Variants in PAK3 observed in about 807,000 individuals in gnomAD.
PAK3 encodes p21 (RAC1) activated kinase 3.
PAK3 carries 4 observed loss-of-function variants against 41.0 expected under a neutral mutation model. The ratio of observed to expected loss-of-function variants is 0.10; its 90% CI spans 0.05 to 0.22. The LOEUF (loss-of-function observed/expected upper bound fraction) is 0.22. PAK3 is among the 10% of genes least tolerant of loss of function. PAK3 has a pLI of 1.00. For synonymous variants in PAK3, 146 were observed against 139.6 expected (o/e 1.05, Z -0.32); for missense variants, 205 against 409.9 (o/e 0.50, Z 4.32).
chrX:111,207,072 ACG>A (rs1491157368), intron 16 of PAK3, among the ~76,000 whole-genome samples: 2 of 97,511 alleles, frequency 2.1e-5, no homozygotes, highest in Non-Finnish European at 3.9e-5. Context: ...ATAGATATAT[ACG>A]TGTGTGTGTG....
At chrX:110,997,895 A>C (rs1443405229) in intron 1 of PAK3, among the ~76,000 whole-genome samples, 1 of 111,477 alleles carries the variant, frequency 9.0e-6, no homozygotes, top group Non-Finnish European at 1.9e-5. Flanking sequence ...ACGTGAGGAC[A>C]CAGCAAGAAG....
At chrX:111,208,406 A>G (rs2094779418) in intron 16 of PAK3, among the ~76,000 whole-genome samples, 1 of 112,372 alleles carries the variant, frequency 8.9e-6, no homozygotes, top group Non-Finnish European at 1.9e-5. Flanking sequence ...ACATTCACTC[A>G]CTAGTCACTC....
intron 1 of PAK3, among the ~76,000 whole-genome samples, chrX:110,988,285 A>G (rs1241111406): frequency 9.0e-6 from 1 of 111,699 alleles, no homozygotes; most frequent in Non-Finnish European, 1.9e-5. Context: ...CAAGCTGTCA[A>G]TTGTTACCCA....
chrX:111,188,708 G>A (rs73541173), intron 11 of PAK3, among the ~76,000 whole-genome samples: 14,665 of 111,053 alleles, frequency 0.13, 1,984 homozygotes, highest in African/African-American at 0.41. Context: ...GATGATAATA[G>A]CAGCTACCAT....
intron 5 of PAK3, among the ~76,000 whole-genome samples, chrX:111,125,108 A>G (rs148287720): frequency 0.023 from 2,517 of 111,833 alleles, 35 homozygotes; most frequent in Middle Eastern, 0.046. Flanking sequence ...TGAAAATCCT[A>G]GTGCATGAGA....
chrX:111,177,741 G>A (rs2094421650), intron 11 of PAK3, among the ~76,000 whole-genome samples: 1 of 111,549 alleles, frequency 9.0e-6, no homozygotes, highest in Admixed American at 9.6e-5. Context: ...GCTATCAATA[G>A]CAACCCTGTG....
At chrX:110,952,089 AG>A (rs1388399729) in intron 1 of PAK3, among the ~76,000 whole-genome samples, 2 of 112,277 alleles carry the variant, frequency 1.8e-5, no homozygotes, top group Admixed American at 1.9e-4. Context: ...CACTCTGCAA[AG>A]GGTATAGTGC....
intron 11 of PAK3, among the ~76,000 whole-genome samples, chrX:111,179,641 A>G (rs2094444564): frequency 1.9e-5 from 2 of 107,831 alleles, no homozygotes; most frequent in South Asian, 7.8e-4. Flanking sequence ...TTTATAATTG[A>G]TTTGTTCAAA....
At chrX:111,145,558 A>G (rs1437185096) in intron 6 of PAK3, among the ~76,000 whole-genome samples, 1 of 111,936 alleles carries the variant, frequency 8.9e-6, no homozygotes, top group Non-Finnish European at 1.9e-5. Flanking sequence ...TAGAATCATA[A>G]CTGGGATCAT....
intron 11 of PAK3, among the ~76,000 whole-genome samples, chrX:111,190,999 T>C (rs2094555837): frequency 8.9e-6 from 1 of 112,389 alleles, no homozygotes; most frequent in Non-Finnish European, 1.9e-5. Flanking sequence ...TGCAGCTTAC[T>C]ATACAATTTC....
chrX:111,188,175 C>T (rs759349401), intron 11 of PAK3, among the ~76,000 whole-genome samples: 2 of 108,094 alleles, frequency 1.9e-5, no homozygotes, highest in African/African-American at 6.7e-5. Flanking sequence ...AATTTTAATA[C>T]AATTAAATGC....
At chrX:111,219,472 T>C (rs910035818) in intron 17 of PAK3, among the ~76,000 whole-genome samples, 1 of 110,808 alleles carries the variant, frequency 9.0e-6, no homozygotes, top group Admixed American at 9.7e-5. Context: ...GATGAGGATT[T>C]AACCTAAGTG....
intron 1 of PAK3, among the ~76,000 whole-genome samples, chrX:110,990,908 G>C (rs1223783045): frequency 9.0e-6 from 1 of 110,744 alleles, no homozygotes; most frequent in African/African-American, 3.3e-5. Flanking sequence ...GAGGCATATT[G>C]CTTGAGCCCA....
intron 16 of PAK3, among the ~76,000 whole-genome samples, chrX:111,211,683 A>G (rs1359914495): frequency 1.8e-5 from 2 of 109,490 alleles, no homozygotes; most frequent in Non-Finnish European, 3.8e-5. Flanking sequence ...TCAAAAAAAA[A>G]AAAAAAAAGA....
chrX:111,101,339 G>C (rs1185606514), intron 3 of PAK3, among the ~76,000 whole-genome samples: 1 of 111,777 alleles, frequency 8.9e-6, no homozygotes. Flanking sequence ...TGGCTACCAG[G>C]TGGAATACTG....
intron 1 of PAK3, among the ~76,000 whole-genome samples, chrX:111,016,781 A>T (rs1449294279): frequency 9.3e-6 from 1 of 106,961 alleles, no homozygotes; most frequent in Non-Finnish European, 1.9e-5. Context: ...GGAGGGGAGA[A>T]GAAGAGAGGA....
chrX:111,057,496 T>G (rs1366206952), intron 1 of PAK3, among the ~76,000 whole-genome samples: 1 of 111,618 alleles, frequency 9.0e-6, no homozygotes, highest in Non-Finnish European at 1.9e-5. Context: ...CTTACATAAA[T>G]GCCAGTTATT....
chrX:111,181,954 A>G (rs1357099849), intron 11 of PAK3, among the ~76,000 whole-genome samples: 3 of 111,876 alleles, frequency 2.7e-5, no homozygotes, highest in Non-Finnish European at 5.7e-5. Context: ...TTGGAAATAC[A>G]TTAGCATTTG....
At position 111,033,115 on chromosome X, in the gene PAK3, C is replaced by G. The variant is rs1602922648; in HGVS notation, c.-28+88487C>G. 2.7e-5 allele frequency among the ~76,000 whole-genome samples: 3 copies of G among 110,744 alleles called. No individual in the cohort carries two copies. In the Admixed American group the frequency reaches 2.9e-4, roughly 11 times the overall value. The stretch of plus-strand genomic sequence containing the variant: ...CCTGGTAGAGCTCACACATTTACAC[C>G]CTCCCTCTCTCTGTACACACAGGGG... On this transcript the variant is annotated intron_variant, in intron 1 of 14. Transcript: ENST00000425146.
Sources: allele counts gnomAD v4.1 joint callset (sites outside exome capture counted in the v4.1 genomes callset), GRCh38; gene constraint gnomAD v4.1.1; transcripts MANE v1.5; gene names NCBI Gene and HGNC (gene_info 2026-07-23, HGNC 2026-07-21).